The following LRRFIP1 variants were observed in gnomAD, a reference collection of about 807,000 sequenced individuals.
The protein encoded by LRRFIP1 is LRR binding FLII interacting protein 1, also known as leucine-rich repeat flightless-interacting protein 1.
In LRRFIP1, 62 loss-of-function variants were observed where a neutral mutation model predicts 104.4. That is an observed-to-expected ratio of 0.59 (90% CI 0.48 to 0.73). The LOEUF is 0.73. LRRFIP1 is among the 30% of genes least tolerant of loss of function. LRRFIP1 has a pLI of 0.00. For missense variants in LRRFIP1, 796 were observed against 824.5 expected (o/e 0.97, Z 0.42); for synonymous variants, 300 against 299.0 (o/e 1.00, Z -0.03).
At chr2:237,729,852 C>T in intron 8 of LRRFIP1, 1 of 983,896 alleles carries the variant, frequency 1.0e-6, no homozygotes, top group South Asian at 4.7e-5. Context: ...GGTTGGTTTC[C>T]ATTTAAATCT....
chr2:237,702,686 T>C (rs941628215), intron 1 of LRRFIP1, among the ~76,000 whole-genome samples: 1 of 152,202 alleles, frequency 6.6e-6, no homozygotes, highest in African/African-American at 2.4e-5. Context: ...TTTTTGCTCT[T>C]TGTTATGAAA....
At chr2:237,749,065 C>T in intron 12 of LRRFIP1, 134 bp from the exon 13 acceptor site, 1 of 841,886 alleles carries the variant, frequency 1.2e-6, no homozygotes, top group South Asian at 1.9e-5. Context: ...GGGAAACTGC[C>T]CCCGTGATCC....
At position 237,750,635 on chromosome 2, in the gene LRRFIP1, CTGT is replaced by C. The variant is rs2058507842; in HGVS notation, c.796-560_796-558del. ...CCAGGCGTGAGCCGCTGCGCCTGGC[CTGT>C]TGTTTCCGTTTCTACAGCAGAGCAG... On this transcript the variant is annotated intron_variant, in intron 13 of 23. Coordinates refer to ENST00000308482, the MANE Select transcript of LRRFIP1 (RefSeq NM_001137550.2). 2.6e-5 allele frequency among the ~76,000 whole-genome samples: 4 copies of C among 152,164 alleles called. No individual in the cohort carries two copies. In the South Asian group the frequency reaches 8.3e-4, roughly 32 times the overall value.
At chr2:237,659,773 T>C (rs1004528998) in intron 1 of LRRFIP1, among the ~76,000 whole-genome samples, 5 of 151,956 alleles carry the variant, frequency 3.3e-5, no homozygotes, top group African/African-American at 1.2e-4. Context: ...CCCAAGTAGC[T>C]GGGACTGCAG....
intron 19 of LRRFIP1, chr2:237,763,561 A>C: frequency 1.2e-6 from 2 of 1,613,212 alleles, no homozygotes; most frequent in African/African-American, 2.7e-5. Context: ...CTACTGACAG[A>C]AAGTCAGCAG....
intron 1 of LRRFIP1, among the ~76,000 whole-genome samples, chr2:237,702,968 A>G (rs1162467427): frequency 6.6e-6 from 1 of 152,208 alleles, no homozygotes; most frequent in African/African-American, 2.4e-5. Context: ...TTAGTATCTC[A>G]GCAAAGATTG....
intron 1 of LRRFIP1, among the ~76,000 whole-genome samples, chr2:237,642,114 T>C (rs2084074496): frequency 6.6e-6 from 1 of 152,150 alleles, no homozygotes; most frequent in African/African-American, 2.4e-5. Flanking sequence ...GTCTCAGTGT[T>C]TCCACCTGGC....
At chr2:237,771,602 C>T (rs1227615667) in intron 20 of LRRFIP1, among the ~76,000 whole-genome samples, 1 of 119,928 alleles carries the variant, frequency 8.3e-6, no homozygotes, top group Non-Finnish European at 1.6e-5. Context: ...ATGTTTCTGT[C>T]TTGCTTAGAG....
intron 10 of LRRFIP1, 94 bp from the exon 11 acceptor site, chr2:237,739,138 G>A: frequency 8.9e-7 from 1 of 1,118,712 alleles, no homozygotes; most frequent in Non-Finnish European, 1.3e-6. Context: ...ACTTACTGCA[G>A]CATGTTTTCT....
At chr2:237,765,060 G>A (rs1329686295) in intron 19 of LRRFIP1, 5 of 746,064 alleles carry the variant, frequency 6.7e-6, no homozygotes, top group Non-Finnish European at 8.2e-6. Flanking sequence ...TCAAGAGTTC[G>A]AGGCCAGCCT....
At chr2:237,688,326 G>A (rs2092523775) in intron 1 of LRRFIP1, among the ~76,000 whole-genome samples, 1 of 152,140 alleles carries the variant, frequency 6.6e-6, no homozygotes, top group Non-Finnish European at 1.5e-5. Context: ...GTTAGAAGGG[G>A]CTGTCCCTGG....
chr2:237,757,759 C>T (rs1448231240), intron 17 of LRRFIP1, among the ~76,000 whole-genome samples: 2 of 152,110 alleles, frequency 1.3e-5, no homozygotes, highest in Non-Finnish European at 2.9e-5. Flanking sequence ...GACACGGACT[C>T]TCCATGGAGG....
chr2:237,764,535 G>A (rs773790925), intron 19 of LRRFIP1: 138 of 1,048,522 alleles, frequency 1.3e-4, no homozygotes, highest in Non-Finnish European at 1.6e-4. Context: ...TTAGACTTCT[G>A]TATTATGAAT....
chr2:237,638,755 G>T (rs892979394), intron 1 of LRRFIP1, among the ~76,000 whole-genome samples: 2 of 152,250 alleles, frequency 1.3e-5, no homozygotes, highest in Non-Finnish European at 2.9e-5. Context: ...GTGTCGACCA[G>T]TGTAGCTCCA....
At chr2:237,757,377 G>T in intron 16 of LRRFIP1, 79 bp from the exon 17 acceptor site, 1 of 881,384 alleles carries the variant, frequency 1.1e-6, no homozygotes, top group Non-Finnish European at 1.8e-6. Flanking sequence ...CACTGTCCCA[G>T]CTCTCAGGTT....
chr2:237,705,676 A>C (rs78313729), intron 1 of LRRFIP1, among the ~76,000 whole-genome samples: 3 of 151,988 alleles, frequency 2.0e-5, no homozygotes, highest in African/African-American at 7.3e-5. Flanking sequence ...AAAAAAAAAA[A>C]AGAGCCTGGA....
intron 1 of LRRFIP1, among the ~76,000 whole-genome samples, chr2:237,697,443 T>C (rs2093264722): frequency 6.6e-6 from 1 of 152,244 alleles, no homozygotes; most frequent in African/African-American, 2.4e-5. Flanking sequence ...GGCATACACC[T>C]GAGAGCTGCT....
intron 10 of LRRFIP1, among the ~76,000 whole-genome samples, chr2:237,737,413 C>T (rs1292936307): frequency 6.6e-6 from 1 of 152,210 alleles, no homozygotes; most frequent in East Asian, 1.9e-4. Context: ...GACTTCTGCA[C>T]ATTAGCCACA....
chr2:237,678,576 G>A (rs1160344287), intron 1 of LRRFIP1, among the ~76,000 whole-genome samples: 2 of 152,122 alleles, frequency 1.3e-5, no homozygotes, highest in African/African-American at 4.8e-5. Context: ...AGTGAGGTCA[G>A]CTCACTGCAA....
Sources: allele counts gnomAD v4.1 joint callset (sites outside exome capture counted in the v4.1 genomes callset), GRCh38; gene constraint gnomAD v4.1.1; transcripts MANE v1.5; gene names NCBI Gene and HGNC (gene_info 2026-07-23, HGNC 2026-07-21).